ATRNL1: variants seen among roughly 807,000 people sequenced by gnomAD.
The protein encoded by ATRNL1 is attractin-like protein 1.
In ATRNL1, 95 loss-of-function variants were observed where a neutral mutation model predicts 182.7. That is an observed-to-expected ratio of 0.52 (90% confidence interval 0.44 to 0.62). The LOEUF is 0.62. Among genes scored for constraint, ATRNL1 ranks in the 20% least tolerant of loss-of-function variants. The pLI is 0.00. For missense variants in ATRNL1, 1,471 were observed against 1,679.5 expected (o/e 0.88, Z 2.17); for synonymous variants, 576 against 568.3 (o/e 1.01, Z -0.19).
chr10:115,281,126 T>A (rs1039572108), intron 13 of ATRNL1, among the ~76,000 whole-genome samples: 1 of 152,238 alleles, frequency 6.6e-6, no homozygotes, highest in African/African-American at 2.4e-5. Flanking sequence ...GCAGTTTGTT[T>A]AATCCTAAAT....
intron 24 of ATRNL1, among the ~76,000 whole-genome samples, chr10:115,479,177 G>C (rs1367331890): frequency 6.6e-6 from 1 of 151,422 alleles, no homozygotes; most frequent in Non-Finnish European, 1.5e-5. Flanking sequence ...GTATTTACTT[G>C]TTAATACTGT....
At chr10:115,840,322 A>C (rs1393921895) in intron 27 of ATRNL1, among the ~76,000 whole-genome samples, 1 of 152,180 alleles carries the variant, frequency 6.6e-6, no homozygotes, top group Non-Finnish European at 1.5e-5. Flanking sequence ...GATTTTAAAA[A>C]TATGGTCTAT....
intron 25 of ATRNL1, among the ~76,000 whole-genome samples, chr10:115,522,823 G>A (rs1254424492): frequency 2.0e-5 from 3 of 152,154 alleles, no homozygotes; most frequent in African/African-American, 7.2e-5. Context: ...GGGAGAAACT[G>A]GTCAAAATAT....
At chr10:115,483,076 T>C (rs1554974500) in intron 24 of ATRNL1, among the ~76,000 whole-genome samples, 1 of 151,304 alleles carries the variant, frequency 6.6e-6, no homozygotes. Context: ...CCTATCAAAT[T>C]ATAAATGAAA....
At chr10:115,420,136 C>T (rs1452225277) in intron 20 of ATRNL1, among the ~76,000 whole-genome samples, 1 of 151,678 alleles carries the variant, frequency 6.6e-6, no homozygotes, top group Non-Finnish European at 1.5e-5. Context: ...CTCCGCCTCC[C>T]AGGTTCCAGC....
intron 24 of ATRNL1, among the ~76,000 whole-genome samples, chr10:115,479,933 A>G (rs981326738): frequency 1.6e-4 from 24 of 151,296 alleles, no homozygotes; most frequent in Non-Finnish European, 1.5e-5. Context: ...TTGACTCTCA[A>G]TTACCTGTTT....
chr10:115,228,766 CTTTTTTTT>C lies in ATRNL1; in HGVS notation c.1533-12796_1533-12789del, dbSNP rs35765835. Among the ~76,000 whole-genome samples the C allele has an allele frequency of 3.0e-5, 4 of 133,782 alleles. No homozygotes were observed. The East Asian group carries it at 8.6e-4, about 29-fold the overall frequency. 87.8% of individuals were successfully genotyped at this position (133,782 alleles called of 152,430 possible). A position where few individuals can be genotyped will look rare whatever the true frequency, so the allele number is the denominator to read the frequency against. ...AGACTTCAATTATATTTCTTTCTTT[CTTTTTTTT>C]TTTTTTTTGAGATGAAGTTTCGCTC... On this transcript the variant is annotated intron_variant, in intron 9 of 28. Coordinates refer to ENST00000355044, the MANE Select transcript of ATRNL1 (RefSeq NM_207303.4).
intron 26 of ATRNL1, among the ~76,000 whole-genome samples, chr10:115,617,304 A>G (rs1289373148): frequency 6.6e-6 from 1 of 152,078 alleles, no homozygotes; most frequent in Non-Finnish European, 1.5e-5. Context: ...GAATGCGAGT[A>G]TTTAGTCAGT....
chr10:115,538,309 G>A (rs528535009), intron 25 of ATRNL1, among the ~76,000 whole-genome samples: 35 of 152,240 alleles, frequency 2.3e-4, no homozygotes, highest in South Asian at 1.2e-3. Flanking sequence ...TCTGTGCTGC[G>A]ACCAGCAAAG....
chr10:115,803,773 C>T (rs1165701514), intron 27 of ATRNL1, among the ~76,000 whole-genome samples: 1 of 151,886 alleles, frequency 6.6e-6, no homozygotes, highest in Non-Finnish European at 1.5e-5. Flanking sequence ...ACTCTTTTAA[C>T]TGCAAAGTCA....
chr10:115,776,376 A>G lies in ATRNL1; in HGVS notation c.3903+49021A>G, dbSNP rs143654979. On this transcript the variant is annotated intron_variant, in intron 27 of 28. Coordinates refer to ENST00000355044, the MANE Select transcript of ATRNL1 (RefSeq NM_207303.4). ...GATGAAGAATAAAGAATATTTCATA[A>G]TAATGTACAGTTGCTAGATAATCTT... 1.6e-4 allele frequency among the ~76,000 whole-genome samples: 25 copies of G among 152,328 alleles called. No individual in the cohort carries two copies. The East Asian group carries it at 4.6e-3, about 28-fold the overall frequency.
intron 21 of ATRNL1, among the ~76,000 whole-genome samples, chr10:115,452,060 G>C (rs563128153): frequency 7.2e-5 from 11 of 152,098 alleles, no homozygotes; most frequent in Admixed American, 5.9e-4. Flanking sequence ...TAAATGATGA[G>C]AACTAAAGAA....
intron 8 of ATRNL1, among the ~76,000 whole-genome samples, chr10:115,187,857 T>G (rs1268632726): frequency 6.6e-6 from 1 of 151,764 alleles, no homozygotes; most frequent in Non-Finnish European, 1.5e-5. Context: ...AATTTTTTAA[T>G]TTTTAGTAGA....
At chr10:115,869,052 A>C (rs974314912) in intron 28 of ATRNL1, among the ~76,000 whole-genome samples, 3 of 151,290 alleles carry the variant, frequency 2.0e-5, no homozygotes, top group African/African-American at 7.3e-5. Flanking sequence ...GATTGTCTTG[A>C]TCTCCTGACC....
rs191345972 is a variant in ATRNL1, at chr10:115,849,873, C to G, written c.4018+1882C>G. On this transcript the variant is annotated intron_variant, in intron 28 of 28. Coordinates refer to ENST00000355044, the MANE Select transcript of ATRNL1 (RefSeq NM_207303.4). ...CAGAAAGCCTCTCTAAAATCAACAG[C>G]CCATGTCTTTACAAAAGCAAGCATT... Among the ~76,000 whole-genome samples, 480 of 152,192 alleles carry G rather than the reference C, an allele frequency of 3.2e-3. 4 individuals are homozygous for G. Among genetic ancestry groups the G allele is most frequent in the African/African-American group, 0.011 (456 of 41,530 alleles).
At chr10:115,866,545 G>A (rs1278073240) in intron 28 of ATRNL1, among the ~76,000 whole-genome samples, 1 of 152,128 alleles carries the variant, frequency 6.6e-6, no homozygotes, top group Non-Finnish European at 1.5e-5. Context: ...AAACCTACCA[G>A]TAGTTAGAGA....
At chr10:115,598,449 C>T (rs2225166) in intron 26 of ATRNL1, among the ~76,000 whole-genome samples, 71,050 of 150,336 alleles carry the variant, frequency 0.47, 17,444 homozygotes, top group Middle Eastern at 0.54. Flanking sequence ...CTGCAACCTC[C>T]GCCTCCCAGG....
At chr10:115,186,252 T>A (rs1554888726) in intron 8 of ATRNL1, among the ~76,000 whole-genome samples, 1 of 151,548 alleles carries the variant, frequency 6.6e-6, no homozygotes, top group African/African-American at 2.4e-5. Flanking sequence ...CCTCATACAT[T>A]ATTGGTGGGA....
At chr10:115,909,621 T>TAAAAAAAAAA (rs3031110) in intron 28 of ATRNL1, 2 of 125,242 alleles carry the variant, frequency 1.6e-5, no homozygotes, top group South Asian at 2.6e-4. Context: ...TTGATAATGT[T>TAAAAAAAAAA]AAAAAAAAAA....
Sources: gnomAD v4.1 joint callset for allele counts (sites outside exome capture counted in the v4.1 genomes callset) on GRCh38, gnomAD v4.1.1 for gene constraint, MANE v1.5 for transcripts, NCBI Gene and HGNC (gene_info 2026-07-23, HGNC 2026-07-21) for gene names.